Variants in OTOA observed in about 807,000 individuals in gnomAD.
The protein encoded by OTOA is cancer/testis antigen 108.
OTOA carries 70 observed loss-of-function variants against 110.8 expected under a neutral mutation model. That is an observed-to-expected ratio of 0.63 (90% CI 0.52 to 0.77). The LOEUF (loss-of-function observed/expected upper bound fraction) is 0.77, where lower values mean the gene tolerates loss of function less well. OTOA is among the 30% of genes least tolerant of loss of function. OTOA has a pLI of 0.00. For synonymous variants in OTOA, 373 were observed against 431.5 expected, an observed-to-expected ratio of 0.86 and a Z score of 1.68; for missense variants, 917 against 1,075.8, an observed-to-expected ratio of 0.85 and a Z score of 2.06.
At chr16:21,705,021 C>A in intron 11 of OTOA, 148 bp from the exon 12 acceptor site, 1 of 1,299,838 alleles carries the variant, frequency 7.7e-7, no homozygotes, top group Non-Finnish European at 1.1e-6. Flanking sequence ...ACATTTGGTT[C>A]ATCTGAGGAT....
chr16:21,688,415 C>G (rs904364581), intron 8 of OTOA, among the ~76,000 whole-genome samples: 1 of 151,632 alleles, frequency 6.6e-6, no homozygotes, highest in African/African-American at 2.4e-5. Flanking sequence ...AAACAAAAAA[C>G]AAAAACAAAA....
chr16:21,721,289 T>C (rs1354301772), intron 17 of OTOA: 1 of 446,036 alleles, frequency 2.2e-6, no homozygotes, highest in Non-Finnish European at 4.5e-6. Context: ...AAACAACCAA[T>C]ACAGAGAAAG....
At chr16:21,680,727 C>T (rs1966882093) in intron 5 of OTOA, among the ~76,000 whole-genome samples, 2 of 151,666 alleles carry the variant, frequency 1.3e-5, no homozygotes, top group Non-Finnish European at 2.9e-5. Flanking sequence ...GTGGTGCACG[C>T]CTGTAATTCC....
intron 17 of OTOA, 73 bp from the exon 18 acceptor site, chr16:21,722,832 C>T: frequency 2.2e-6 from 3 of 1,347,090 alleles, no homozygotes; most frequent in Non-Finnish European, 2.1e-6. Flanking sequence ...AGAATAGTAC[C>T]TGGCACATGG....
Position 21,726,531 on chromosome 16 carries a change from A to G in OTOA, c.1889A>G (p.Tyr630Cys), listed in dbSNP as rs777729691. 2.5e-6 allele frequency: 4 copies of G among 1,613,670 alleles called. No individual in the cohort carries two copies. The highest frequency in any genetic ancestry group is 2.5e-6 in the Non-Finnish European group (3 of 1,180,000). ...TCCCCATCTCTCTCCAGGGCCCGCT[A>G]CCTGGCTTCTGTCCCAGCCTCCCAG... ...PFLLAALPAR[Y>C]LASVPASQCV... Residue 630 changes from tyrosine (Y) to cysteine (C), a missense_variant, in exon 19 of 29, where the codon TAC becomes TGC. By Grantham distance (194) the Tyr-to-Cys change is radical (BLOSUM62 -2). Around this residue, in one of 6 missense-constraint regions of OTOA, gnomAD observed 840 missense variants for 910.2 expected, o/e 0.92. Coordinates refer to ENST00000646100, the MANE Select transcript of OTOA (RefSeq NM_144672.4).
At chr16:21,679,358 C>G in intron 5 of OTOA, 147 bp downstream of exon 5, 1 of 963,026 alleles carries the variant, frequency 1.0e-6, no homozygotes, top group Admixed American at 2.2e-5. Context: ...AACAAACACC[C>G]TTGCTCCACG....
At chr16:21,691,183 T>C (rs1351241259) in intron 8 of OTOA, among the ~76,000 whole-genome samples, 1 of 152,162 alleles carries the variant, frequency 6.6e-6, no homozygotes, top group Non-Finnish European at 1.5e-5. Context: ...CCATGGTGTA[T>C]ATGTGTCACA....
intron 18 of OTOA, among the ~76,000 whole-genome samples, chr16:21,725,057 C>T (rs746831516): frequency 4.0e-5 from 6 of 151,774 alleles, no homozygotes; most frequent in Non-Finnish European, 7.4e-5. Flanking sequence ...GGATTACAGG[C>T]GTGAGCCACC....
At chr16:21,705,055 C>T (rs767553800) in intron 11 of OTOA, 114 bp from the exon 12 acceptor site, 9 of 1,541,258 alleles carry the variant, frequency 5.8e-6, no homozygotes, top group Non-Finnish European at 8.1e-6. Flanking sequence ...GACCTTCAAC[C>T]TGGGAGTCCG....
intron 13 of OTOA, among the ~76,000 whole-genome samples, chr16:21,712,436 G>C (rs1898385874): frequency 6.6e-6 from 1 of 152,036 alleles, no homozygotes; most frequent in South Asian, 2.1e-4. Context: ...TCTAGTGTTA[G>C]TACCTCCCAT....
chr16:21,689,928 C>G (rs572019314), intron 8 of OTOA, among the ~76,000 whole-genome samples: 1 of 152,034 alleles, frequency 6.6e-6, no homozygotes, highest in Non-Finnish European at 1.5e-5. Context: ...TCAGGTGATC[C>G]GCCTGCCTTG....
At chr16:21,704,607 G>A (rs921986606) in intron 11 of OTOA, among the ~76,000 whole-genome samples, 2 of 152,128 alleles carry the variant, frequency 1.3e-5, no homozygotes, top group Non-Finnish European at 2.9e-5. Context: ...GGTTTGGACT[G>A]GGGAGGGGGT....
intron 7 of OTOA, among the ~76,000 whole-genome samples, chr16:21,687,079 G>C (rs570732366): frequency 6.6e-5 from 10 of 152,286 alleles, no homozygotes; most frequent in African/African-American, 2.4e-4. Flanking sequence ...AGGGATCAGA[G>C]ACTTCACGAA....
chr16:21,723,288 A>G (rs1244275815), intron 18 of OTOA, among the ~76,000 whole-genome samples: 1 of 152,072 alleles, frequency 6.6e-6, no homozygotes, highest in Non-Finnish European at 1.5e-5. Context: ...GGGGAATCAG[A>G]GTTGAGGGGA....
At chr16:21,703,090 TATC>T (rs1487901269) in intron 11 of OTOA, among the ~76,000 whole-genome samples, 2 of 152,222 alleles carry the variant, frequency 1.3e-5, no homozygotes, top group Non-Finnish European at 2.9e-5. Context: ...CTAATTAAGT[TATC>T]ATTACCTCAC....
rs1299999346 is a variant in OTOA at position 21,678,465 on chromosome 16, T to C, written c.-4-46T>C. ...ATATGTGTGTGTGTGTATATATATATATATTAAAAAAACATGAATCACTTC... is the reference window on the plus strand; with the variant it reads ...ATATGTGTGTGTGTGTATATATATACATATTAAAAAAACATGAATCACTTC... On this transcript the variant is annotated intron_variant, in intron 1 of 28. Transcript: ENST00000646100. 5.5e-6 allele frequency: 6 copies of C among 1,085,174 alleles called. 1 individual carries two copies. The South Asian group carries it at 7.8e-5, about 14-fold the overall frequency. The allele number at this position is 1,085,174 out of a possible 1,614,324, so 67.2% of individuals were successfully genotyped here.
At chr16:21,695,972 G>A (rs1013882008) in intron 9 of OTOA, among the ~76,000 whole-genome samples, 2 of 140,020 alleles carry the variant, frequency 1.4e-5, no homozygotes, top group East Asian at 2.1e-4. Context: ...TCAGCTCACT[G>A]CAACTTCTGC....
At position 21,736,331 on chromosome 16, in the gene OTOA, C is replaced by T. The variant is rs1189014546; in HGVS notation, c.2372C>T (p.Ala791Val). 3 of 1,614,070 alleles carry T rather than the reference C, an allele frequency of 1.9e-6. No individual in the cohort carries two copies. Among genetic ancestry groups the T allele is most frequent in the Middle Eastern group, 3.3e-4 (2 of 6,084 alleles). ...RTLPTKEFLW[A>V]VFQSVRNSSD... is the part of the protein sequence containing the mutation. ...CTGCCCACTAAAGAATTCCTCTGGG[C>T]TGTCTTTCAGTCTGTTCGGAACAGC... Residue 791 changes from alanine (A) to valine (V), a missense_variant, in exon 22 of 29, where the codon GCT becomes GTT. This residue lies in a region of OTOA where 57 missense variants were observed against 59.7 expected (regional missense o/e 0.96). Transcript: ENST00000646100.
chr16:21,704,813 C>T, intron 11 of OTOA: 1 of 711,402 alleles, frequency 1.4e-6, no homozygotes, highest in African/African-American at 1.7e-5. Flanking sequence ...GTTTTATAGG[C>T]GGAGGGTAAT....
Sources: allele counts gnomAD v4.1 joint callset (sites outside exome capture counted in the v4.1 genomes callset), GRCh38; gene constraint gnomAD v4.1.1; regional missense constraint gnomAD v4.1.1; transcripts MANE v1.5; gene names NCBI Gene and HGNC (gene_info 2026-07-23, HGNC 2026-07-21).